Variants in SH2D4A observed in about 807,000 individuals in gnomAD.
SH2D4A encodes the protein SH2 domain-containing protein 4A.
A neutral mutation model predicts 64.7 loss-of-function variants in SH2D4A; 70 were observed. The ratio of observed to expected loss-of-function variants is 1.08; its 90% CI spans 0.89 to 1.32. SH2D4A has a LOEUF of 1.32. SH2D4A is among the 40% of genes most tolerant of loss of function. The pLI is 0.00. For missense variants in SH2D4A, 706 were observed against 540.1 expected, an observed-to-expected ratio of 1.31 and a Z score of -3.04; for synonymous variants, 268 against 200.7, an observed-to-expected ratio of 1.34 and a Z score of -2.83.
At chr8:19,362,121 A>G (rs150219299) in intron 6 of SH2D4A, among the ~76,000 whole-genome samples, 2 of 152,358 alleles carry the variant, frequency 1.3e-5, no homozygotes, top group African/African-American at 4.8e-5. Flanking sequence ...AGGTATGGCT[A>G]TATTTGCAGG....
chr8:19,324,204 G>A (rs752672153), intron 2 of SH2D4A, among the ~76,000 whole-genome samples: 5 of 152,148 alleles, frequency 3.3e-5, no homozygotes, highest in African/African-American at 4.8e-5. Context: ...GCTTAGCAGC[G>A]TGTTTCCCAG....
In SH2D4A at chr8:19,395,156, C is replaced by T. The variant is rs957414232; in HGVS notation, c.*514C>T. 2 of 152,108 alleles carry T rather than the reference C, an allele frequency of 1.3e-5. No individual in the cohort carries two copies. The highest frequency in any genetic ancestry group is 1.9e-4 in the East Asian group (1 of 5,182). 9.4% of individuals were successfully genotyped at this position (152,108 alleles called of 1,614,324 possible). Reference sequence around the variant, plus strand: ...CATGTTGGAACCAGGACATGAGAGACATAGAAAAACAGAAGTCATGAATGT... The same window carrying T: ...CATGTTGGAACCAGGACATGAGAGATATAGAAAAACAGAAGTCATGAATGT... On this transcript the variant is annotated 3_prime_UTR_variant, in exon 10 of 10. Transcript: ENST00000265807.
chr8:19,334,788 A>G lies in SH2D4A; in HGVS notation c.444A>G (p.Lys148=), dbSNP rs201171228. Residue 148 remains lysine, a synonymous_variant, in exon 4 of 10, where the codon AAA becomes AAG. Coordinates refer to ENST00000265807, the MANE Select transcript of SH2D4A (RefSeq NM_022071.4). ...AGCAGACTAAAGACATCTGGAAGAA[A>G]GTGGCAGAAAAGGAGGAACTGGAGC... ...DNQQTKDIWK[K]VAEKEELEQG... 8 of 1,614,126 alleles carry G rather than the reference A, an allele frequency of 5.0e-6. No homozygotes were observed. The highest frequency in any genetic ancestry group is 5.9e-6 in the Non-Finnish European group (7 of 1,180,002).
At chr8:19,357,390 G>C in intron 5 of SH2D4A, 107 bp downstream of exon 5, 1 of 854,396 alleles carries the variant, frequency 1.2e-6, no homozygotes, top group Non-Finnish European at 1.9e-6. Context: ...TTAAGCAGCA[G>C]GATGGGAAAT....
intron 4 of SH2D4A, among the ~76,000 whole-genome samples, chr8:19,343,156 G>C (rs2052555380): frequency 6.6e-6 from 1 of 152,160 alleles, no homozygotes; most frequent in African/African-American, 2.4e-5. Flanking sequence ...CAGGTGTAGT[G>C]GCTCATGCCT....
chr8:19,377,007 A>G (rs2053206676), intron 8 of SH2D4A, among the ~76,000 whole-genome samples: 1 of 152,238 alleles, frequency 6.6e-6, no homozygotes, highest in Non-Finnish European at 1.5e-5. Context: ...CACCAGTGAT[A>G]TAACAAATGT....
intron 8 of SH2D4A, among the ~76,000 whole-genome samples, chr8:19,374,499 A>G (rs996304224): frequency 3.3e-5 from 5 of 152,224 alleles, no homozygotes; most frequent in African/African-American, 1.2e-4. Context: ...TGTTTAAGGC[A>G]TCTTTCCTCA....
At chr8:19,340,131 G>C (rs947490612) in intron 4 of SH2D4A, among the ~76,000 whole-genome samples, 1 of 152,314 alleles carries the variant, frequency 6.6e-6, no homozygotes, top group East Asian at 1.9e-4. Context: ...TTCCAGCTGA[G>C]GAACAGTGTG....
chr8:19,356,552 C>T (rs2052794968), intron 4 of SH2D4A, among the ~76,000 whole-genome samples: 1 of 152,172 alleles, frequency 6.6e-6, no homozygotes, highest in African/African-American at 2.4e-5. Flanking sequence ...TTGTGATTTG[C>T]TGGCATACTT....
At chr8:19,337,137 A>C (rs764901916) in intron 4 of SH2D4A, among the ~76,000 whole-genome samples, 5 of 152,132 alleles carry the variant, frequency 3.3e-5, no homozygotes, top group African/African-American at 4.8e-5. Flanking sequence ...GATGGGTGAC[A>C]GGTTTTTATA....
chr8:19,365,815 C>G (rs1362926364), intron 7 of SH2D4A, among the ~76,000 whole-genome samples: 3 of 152,098 alleles, frequency 2.0e-5, no homozygotes, highest in East Asian at 3.9e-4. Flanking sequence ...AGACCGGCTC[C>G]TACAGTGTCT....
rs2053530677 is a variant in SH2D4A, at chr8:19,393,448, T to C, written c.1179T>C (p.His393=). The C allele has an allele frequency of 1.9e-6, 3 of 1,614,240 alleles. No individual in the cohort carries two copies. The highest frequency in any genetic ancestry group is 2.5e-6 in the Non-Finnish European group (3 of 1,180,044). Residue 393 remains histidine (H), a synonymous_variant, in exon 9 of 10, where the codon CAT becomes CAC. Coordinates refer to ENST00000265807, the MANE Select transcript of SH2D4A (RefSeq NM_022071.4). ...LSYLSEDGCK[H]FLIDASADAY... is the part of the protein sequence containing the mutation. ...ATCTGTCGGAGGACGGCTGTAAACATTTCCTCATCGATGCCTCTGCAGACG... is the reference window on the plus strand; with the variant it reads ...ATCTGTCGGAGGACGGCTGTAAACACTTCCTCATCGATGCCTCTGCAGACG...
chr8:19,368,934 A>G (rs975221198), intron 7 of SH2D4A, among the ~76,000 whole-genome samples: 1 of 152,004 alleles, frequency 6.6e-6, no homozygotes, highest in African/African-American at 2.4e-5. Flanking sequence ...AAAACTTTCC[A>G]TTTTTCCTCT....
chr8:19,342,121 C>T (rs1267884015), intron 4 of SH2D4A, among the ~76,000 whole-genome samples: 1 of 152,082 alleles, frequency 6.6e-6, no homozygotes, highest in African/African-American at 2.4e-5. Context: ...CAGAAGAAGT[C>T]CAAATAATGG....
chr8:19,349,408 A>G (rs1469376514), intron 4 of SH2D4A, among the ~76,000 whole-genome samples: 3 of 152,250 alleles, frequency 2.0e-5, no homozygotes, highest in Admixed American at 2.0e-4. Flanking sequence ...TTTCTAAAAT[A>G]AAAAGATTGA....
chr8:19,332,016 A>T (rs2117204754), intron 2 of SH2D4A, among the ~76,000 whole-genome samples: 1 of 152,286 alleles, frequency 6.6e-6, no homozygotes, highest in Admixed American at 6.5e-5. Context: ...TTAGCTGGGC[A>T]TGGTAATGCA....
At chr8:19,350,614 GC>G (rs1243701424) in intron 4 of SH2D4A, among the ~76,000 whole-genome samples, 1 of 152,076 alleles carries the variant, frequency 6.6e-6, no homozygotes, top group African/African-American at 2.4e-5. Context: ...CTCCCGAGTA[GC>G]TGGAACTACA....
chr8:19,370,514 C>T (rs953922043), intron 7 of SH2D4A, among the ~76,000 whole-genome samples: 2 of 151,952 alleles, frequency 1.3e-5, no homozygotes, highest in African/African-American at 4.8e-5. Context: ...TTACAGTTTT[C>T]AGCTTCAGGT....
chr8:19,372,309 T>G (rs770551194), intron 7 of SH2D4A, among the ~76,000 whole-genome samples: 3 of 152,140 alleles, frequency 2.0e-5, no homozygotes, highest in Admixed American at 6.6e-5. Context: ...GCTCTATGAT[T>G]TACACAGCTC....
Sources: gnomAD v4.1 joint callset for allele counts (sites outside exome capture counted in the v4.1 genomes callset) on GRCh38, gnomAD v4.1.1 for gene constraint, MANE v1.5 for transcripts, NCBI Gene and HGNC (gene_info 2026-07-23, HGNC 2026-07-21) for gene names.